SLC12A1: variants seen among roughly 807,000 people sequenced by gnomAD.
SLC12A1 encodes Na-K-2Cl cotransporter.
SLC12A1 carries 89 observed loss-of-function variants against 130.4 expected under a neutral mutation model. That is an observed-to-expected ratio of 0.68 (90% CI 0.58 to 0.81). The LOEUF is 0.81. Among genes scored for constraint, SLC12A1 ranks in the 40% least tolerant of loss-of-function variants. The pLI, the probability that SLC12A1 is intolerant of heterozygous loss-of-function variation, is 0.00. For synonymous variants in SLC12A1, 499 were observed against 460.0 expected, an observed-to-expected ratio of 1.08 and a Z score of -1.09; for missense variants, 1,310 against 1,336.4, an observed-to-expected ratio of 0.98 and a Z score of 0.31.
At chr15:48,292,525 CTTAG>C (rs1045425504) in intron 24 of SLC12A1, among the ~76,000 whole-genome samples, 5 of 152,194 alleles carry the variant, frequency 3.3e-5, no homozygotes, top group Non-Finnish European at 5.9e-5. Context: ...CCATTAGTGT[CTTAG>C]TTAGCTCAGG....
At chr15:48,294,168 G>A (rs967268893) in intron 24 of SLC12A1, among the ~76,000 whole-genome samples, 1 of 151,904 alleles carries the variant, frequency 6.6e-6, no homozygotes, top group Non-Finnish European at 1.5e-5. Context: ...GACCAACACG[G>A]TGAAACCCCG....
chr15:48,281,053 G>A (rs1411962037), intron 20 of SLC12A1, among the ~76,000 whole-genome samples: 2 of 152,174 alleles, frequency 1.3e-5, no homozygotes, highest in Non-Finnish European at 2.9e-5. Context: ...GCAGCATGAA[G>A]AACATGGGAG....
chr15:48,234,827 G>T (rs765272170), intron 8 of SLC12A1, 50 bp from the exon 9 acceptor site: 1 of 1,579,756 alleles, frequency 6.3e-7, no homozygotes, highest in African/African-American at 1.3e-5. Context: ...TTAATCTCCT[G>T]TACTGTGAAA....
In SLC12A1 at chr15:48,251,703, G is replaced by T. The variant is rs137853159; in HGVS notation, c.1875G>T (p.Trp625Cys). The T allele has an allele frequency of 2.5e-6, 4 of 1,613,726 alleles. 1 individual carries two copies. The Middle Eastern group carries it at 4.9e-4, about 200-fold the overall frequency. The stretch of plus-strand genomic sequence containing the variant: ...GTGCAGTCATGTTTGTCATCAACTG[G>T]TGGGCAGCTGTCATCACCTATGTCA... ...LCCAVMFVIN[W>C]WAAVITYVIE... The change falls in exon 15 of 27, where the codon TGG becomes TGT. Residue 625 changes from tryptophan (W) to cysteine (C), a missense_variant. Transcript: ENST00000380993.
rs543095573 is a variant in SLC12A1 at position 48,241,978 on chromosome 15, C to G, written c.1300+379C>G. Among the ~76,000 whole-genome samples, 5 of 152,252 alleles carry G rather than the reference C, an allele frequency of 3.3e-5. No homozygotes were observed. In the East Asian group the frequency reaches 5.8e-4, roughly 18 times the overall value. ...AGAGAAAAGAAGTGAAAAACAAAAC[C>G]CTTCAAACCTAAAAACAGCCTTAGG... On this transcript the variant is annotated intron_variant, in intron 10 of 26. Coordinates refer to ENST00000380993, the MANE Select transcript of SLC12A1 (RefSeq NM_000338.3).
At position 48,301,503 on chromosome 15, in the gene SLC12A1, G is replaced by GCGGGGGT. The variant is rs1555387783; in HGVS notation, c.3164+121_3164+122insCGGGGGT. On this transcript the variant is annotated intron_variant, in intron 26 of 26. Coordinates refer to ENST00000380993, the MANE Select transcript of SLC12A1 (RefSeq NM_000338.3). Reference sequence around the variant, plus strand: ...TTTGTTTTGTTTTTGTGTTTTTTTTGGGGGGGGGAACACGTGGGATTCTTA... The same window carrying GCGGGGGT: ...TTTGTTTTGTTTTTGTGTTTTTTTTGCGGGGGTGGGGGGGGAACACGTGGGATTCTTA... 6 of 442,810 alleles carry GCGGGGGT rather than the reference G, an allele frequency of 1.4e-5. No homozygotes were observed. The African/African-American group carries it at 1.6e-4, about 12-fold the overall frequency. 27.4% of individuals were successfully genotyped at this position (442,810 alleles called of 1,614,324 possible). A position where few individuals can be genotyped will look rare whatever the true frequency, so the allele number is the denominator to read the frequency against.
At chr15:48,277,711 G>A (rs939687546) in intron 20 of SLC12A1, among the ~76,000 whole-genome samples, 3 of 152,156 alleles carry the variant, frequency 2.0e-5, no homozygotes, top group Non-Finnish European at 4.4e-5. Flanking sequence ...GAATTCTTAA[G>A]GGCTATTGCC....
intron 4 of SLC12A1, chr15:48,224,655 T>C (rs1036030630): frequency 1.3e-5 from 2 of 152,198 alleles, no homozygotes; most frequent in Non-Finnish European, 2.9e-5. Context: ...AAATTGTCTC[T>C]GGTAATCAGA....
chr15:48,227,409 G>T, intron 5 of SLC12A1: 1 of 551,088 alleles, frequency 1.8e-6, no homozygotes. Context: ...GTGACTATGT[G>T]TCTAGTAAGA....
Position 48,246,970 on chromosome 15 carries a change from TCTCCTCCGCCCTGGC to T in SLC12A1, c.1519_1533del (p.Ser507_Ser511del). On this transcript the variant is annotated inframe_deletion, in exon 12 of 27. Transcript: ENST00000380993. The stretch of plus-strand genomic sequence containing the variant: ...ACTGCGGGAATCTTTTCTGCAACAC[TCTCCTCCGCCCTGGC>T]CTCCCTTGTCAGCGCACCCAAAGTG... The T allele has an allele frequency of 6.2e-7, 1 of 1,613,902 alleles. No individual in the cohort carries two copies. The highest frequency in any genetic ancestry group is 8.5e-7 in the Non-Finnish European group (1 of 1,179,858).
Position 48,224,318 on chromosome 15 carries a change from G to A in SLC12A1, c.629-2158G>A, listed in dbSNP as rs941359617. 4.6e-5 allele frequency: 7 copies of A among 152,276 alleles called. No individual in the cohort carries two copies. In the East Asian group the frequency reaches 1.4e-3, roughly 29 times the overall value. The allele number at this position is 152,276 out of a possible 1,614,324, so 9.4% of individuals were successfully genotyped here. ...TCTTCTACCCATCTTAGGTTCATTG[G>A]CTGGGGGCCTATAAATTAGATTGAC... On this transcript the variant is annotated intron_variant, in intron 4 of 26. Transcript: ENST00000380993.
rs189205901 is a variant in SLC12A1, at chr15:48,297,903, C to T, written c.2961-1237C>T. 3.3e-5 allele frequency among the ~76,000 whole-genome samples: 5 copies of T among 152,264 alleles called. No individual in the cohort carries two copies. The East Asian group carries it at 5.8e-4, about 18-fold the overall frequency. ...CCACTCCTAGAGGTCTCTAAAGGCA[C>T]GACACTGTTGAAATAGGAAATAAAA... is the stretch of plus-strand genomic sequence containing the variant. On this transcript the variant is annotated intron_variant, in intron 24 of 26. Transcript: ENST00000380993.
intron 20 of SLC12A1, among the ~76,000 whole-genome samples, chr15:48,279,444 G>A (rs2041988593): frequency 6.6e-6 from 1 of 152,168 alleles, no homozygotes; most frequent in South Asian, 2.1e-4. Context: ...CAGCTTTATA[G>A]ATAATTTACC....
intron 21 of SLC12A1, among the ~76,000 whole-genome samples, chr15:48,286,992 A>G (rs1461968467): frequency 6.6e-6 from 1 of 152,218 alleles, no homozygotes; most frequent in Non-Finnish European, 1.5e-5. Flanking sequence ...TTCAGAACTG[A>G]CAGACTCTAA....
intron 2 of SLC12A1, among the ~76,000 whole-genome samples, chr15:48,213,717 G>T (rs1286588394): frequency 6.6e-6 from 1 of 151,814 alleles, no homozygotes; most frequent in East Asian, 1.9e-4. Flanking sequence ...TAGAGACAGG[G>T]TTTCACCGTG....
chr15:48,208,388 C>A (rs1157648425), intron 2 of SLC12A1, among the ~76,000 whole-genome samples: 1 of 151,996 alleles, frequency 6.6e-6, no homozygotes, highest in Non-Finnish European at 1.5e-5. Context: ...GTGGTGGACA[C>A]TGCAGCTTTG....
chr15:48,256,056 A>G (rs2141071262), intron 16 of SLC12A1, 146 bp downstream of exon 16: 2 of 652,074 alleles, frequency 3.1e-6, no homozygotes, highest in South Asian at 3.6e-5. Flanking sequence ...CATTTTCATG[A>G]CAGCACCTCC....
chr15:48,240,397 A>G (rs955128050), intron 9 of SLC12A1, among the ~76,000 whole-genome samples: 5 of 152,114 alleles, frequency 3.3e-5, no homozygotes, highest in Non-Finnish European at 7.4e-5. Context: ...AACCCTGTGT[A>G]CAGATACTCC....
intron 4 of SLC12A1, among the ~76,000 whole-genome samples, 190 bp downstream of exon 4, chr15:48,221,186 G>A (rs1361497408): frequency 6.6e-6 from 1 of 152,180 alleles, no homozygotes; most frequent in Admixed American, 6.5e-5. Flanking sequence ...CTATGAAACT[G>A]GAATTTTCCA....
Sources: allele counts gnomAD v4.1 joint callset (sites outside exome capture counted in the v4.1 genomes callset), GRCh38; gene constraint gnomAD v4.1.1; transcripts MANE v1.5; gene names NCBI Gene and HGNC (gene_info 2026-07-23, HGNC 2026-07-21).